The following NTRK1 variants were observed in gnomAD, a reference collection of about 807,000 sequenced individuals.
The protein encoded by NTRK1 is high affinity nerve growth factor receptor.
NTRK1 carries 62 observed loss-of-function variants against 86.8 expected under a neutral mutation model. That is an observed-to-expected ratio of 0.71 (90% CI 0.58 to 0.88). The LOEUF is 0.88. NTRK1 is among the 40% of genes least tolerant of loss of function. NTRK1 has a pLI of 0.00. For synonymous variants in NTRK1, 469 were observed against 456.6 expected, an observed-to-expected ratio of 1.03 and a Z score of -0.35; for missense variants, 967 against 1,078.4, an observed-to-expected ratio of 0.90 and a Z score of 1.45.
At chr1:156,834,038 T>C (rs537320437) in intron 1 of NTRK1, among the ~76,000 whole-genome samples, 1 of 152,210 alleles carries the variant, frequency 6.6e-6, no homozygotes, top group Non-Finnish European at 1.5e-5. Context: ...TTCACACCAG[T>C]AAAGTCAATC....
At chr1:156,846,802 T>C in intron 2 of NTRK1, 1 of 1,503,722 alleles carries the variant, frequency 6.7e-7, no homozygotes, top group Non-Finnish European at 9.2e-7. Flanking sequence ...AACCCCACCC[T>C]CAAGTTCTGG....
intron 5 of NTRK1, 83 bp downstream of exon 5, chr1:156,868,332 T>C (rs1018000025): frequency 2.5e-6 from 4 of 1,569,202 alleles, no homozygotes; most frequent in Non-Finnish European, 3.4e-6. Flanking sequence ...GAGCAAGCAC[T>C]GAAAAGGCCT....
intron 11 of NTRK1, 57 bp from the exon 12 acceptor site, chr1:156,875,463 G>C (rs2102914790): frequency 6.2e-7 from 1 of 1,610,412 alleles, no homozygotes; most frequent in South Asian, 1.1e-5. Context: ...TGCAGGCAAG[G>C]GTGGGCAGGG....
At chr1:156,818,189 C>T (rs1315505649) in intron 1 of NTRK1, among the ~76,000 whole-genome samples, 1 of 152,034 alleles carries the variant, frequency 6.6e-6, no homozygotes, top group Non-Finnish European at 1.5e-5. Flanking sequence ...AGGTTCATGA[C>T]TATGTGCTAT....
intron 6 of NTRK1, among the ~76,000 whole-genome samples, chr1:156,870,362 A>G (rs1647481159): frequency 6.6e-6 from 1 of 152,164 alleles, no homozygotes; most frequent in Admixed American, 6.5e-5. Flanking sequence ...AGCCTGGGCA[A>G]CAAAGCAAGA....
Position 156,880,544 on chromosome 1 carries a change from G to A in NTRK1, c.2205+387G>A, listed in dbSNP as rs1474375008. ...ACTGCAGCAGGACGGCTGGAGGTTA[G>A]ACTGTCAGAAGGACAGTCCTACCCC... On this transcript the variant is annotated intron_variant, in intron 16 of 16. Transcript: ENST00000524377. The A allele has an allele frequency of 2.8e-5, 7 of 249,054 alleles. 1 individual carries two copies. The Admixed American group carries it at 3.5e-4, about 12-fold the overall frequency. 15.4% of individuals were successfully genotyped at this position (249,054 alleles called of 1,614,324 possible).
rs1168781964 is a variant in NTRK1, at chr1:156,867,550, T to C, written c.429-554T>C. ...GGTTTTGCCATGTTGCCCAGGCTGA[T>C]CTTGAACTCCTGGGCTCAAGCCATC... On this transcript the variant is annotated intron_variant, in intron 4 of 16. Transcript: ENST00000524377. Among the ~76,000 whole-genome samples the C allele has an allele frequency of 2.6e-5, 4 of 152,320 alleles. No homozygotes were observed. The East Asian group carries it at 7.7e-4, about 29-fold the overall frequency.
At chr1:156,877,565 C>CG (rs1365088844) in intron 14 of NTRK1, among the ~76,000 whole-genome samples, 1 of 152,176 alleles carries the variant, frequency 6.6e-6, no homozygotes, top group East Asian at 1.9e-4. Flanking sequence ...AGATCACCCC[C>CG]GGGAGGATGG....
At chr1:156,833,366 G>C (rs1302572491) in intron 1 of NTRK1, among the ~76,000 whole-genome samples, 1 of 152,320 alleles carries the variant, frequency 6.6e-6, no homozygotes, top group South Asian at 2.1e-4. Context: ...AGACCAGTCT[G>C]TCCAACATGG....
intron 1 of NTRK1, among the ~76,000 whole-genome samples, chr1:156,836,127 A>G (rs764580722): frequency 3.2e-4 from 49 of 152,198 alleles, no homozygotes; most frequent in Admixed American, 3.3e-4. Flanking sequence ...AGTTCTGCTT[A>G]AGACACAGGA....
At position 156,873,756 on chromosome 1, in the gene NTRK1, C is replaced by G. The variant is rs755882352; in HGVS notation, c.974C>G (p.Thr325Ser). ...TTCAATGGCTCCGTGCTCAATGAGA[C>G]CAGCTTCATCTTCACTGAGTTCCTG... ...WLFNGSVLNE[T>S]SFIFTEFLEP... Residue 325 changes from threonine (T) to serine (S), a missense_variant, in exon 8 of 17, where the codon ACC (threonine) becomes AGC (serine). By Grantham distance (58) the Thr-to-Ser change is moderately conservative (BLOSUM62 1). Around this residue, in one of 2 missense-constraint regions of NTRK1, gnomAD observed 637 missense variants for 776.5 expected, o/e 0.82. Coordinates refer to ENST00000524377, the MANE Select transcript of NTRK1 (RefSeq NM_002529.4). 1 of 1,613,318 alleles carries G rather than the reference C, an allele frequency of 6.2e-7. No individual in the cohort carries two copies. The highest frequency in any genetic ancestry group is 8.5e-7 in the Non-Finnish European group (1 of 1,179,812).
chr1:156,855,267 A>T (rs1342382273), intron 2 of NTRK1, among the ~76,000 whole-genome samples: 1 of 151,912 alleles, frequency 6.6e-6, no homozygotes, highest in Non-Finnish European at 1.5e-5. Context: ...GCAGTGGCAC[A>T]ATCTCAGCTC....
At chr1:156,816,286 G>T in intron 1 of NTRK1, 1 of 464,402 alleles carries the variant, frequency 2.2e-6, no homozygotes. Context: ...GGGGGCTAAT[G>T]CTGCCAGAGG....
intron 1 of NTRK1, among the ~76,000 whole-genome samples, chr1:156,829,113 CA>C (rs1654399024): frequency 6.6e-6 from 1 of 151,930 alleles, no homozygotes; most frequent in Non-Finnish European, 1.5e-5. Flanking sequence ...AATTTATGAA[CA>C]AATAGGAAAA....
rs1367864129 is a variant in NTRK1 at position 156,874,964 on chromosome 1, T to G, written c.1310T>G (p.Leu437Arg). 2 of 1,613,836 alleles carry G rather than the reference T, an allele frequency of 1.2e-6. No homozygotes were observed. Among genetic ancestry groups the G allele is most frequent in the African/African-American group, 2.7e-5 (2 of 74,874 alleles). ...TGCCTCTTCCTTTCTACGCTGCTCC[T>G]TGTGCTCAACAAATGTGGACGGAGA... ...FACLFLSTLL[L>R]VLNKCGRRNK... Residue 437 changes from leucine (L) to arginine (R), a missense_variant, in exon 11 of 17, where the codon CTT (leucine) becomes CGT (arginine). Coordinates refer to ENST00000524377, the MANE Select transcript of NTRK1 (RefSeq NM_002529.4).
intron 1 of NTRK1, among the ~76,000 whole-genome samples, chr1:156,832,994 C>T (rs936434095): frequency 6.6e-6 from 1 of 152,218 alleles, no homozygotes; most frequent in African/African-American, 2.4e-5. Context: ...TTGCTAAACA[C>T]ATTTTGGTGC....
intron 6 of NTRK1, among the ~76,000 whole-genome samples, chr1:156,871,155 G>A (rs1275824598): frequency 2.0e-5 from 3 of 152,222 alleles, no homozygotes; most frequent in Non-Finnish European, 4.4e-5. Context: ...CTTGGGATGC[G>A]TGACATCTGT....
intron 1 of NTRK1, among the ~76,000 whole-genome samples, chr1:156,839,783 G>A (rs932604702): frequency 3.3e-5 from 5 of 152,154 alleles, no homozygotes; most frequent in African/African-American, 9.7e-5. Flanking sequence ...TGAGGTGTCC[G>A]GGACTGGTTG....
intron 2 of NTRK1, chr1:156,842,865 C>A (rs1238342069): frequency 2.8e-6 from 2 of 704,860 alleles, no homozygotes; most frequent in Non-Finnish European, 4.8e-6. Flanking sequence ...TAACCATGAC[C>A]TTTACCCCAA....
Sources: allele counts gnomAD v4.1 joint callset (sites outside exome capture counted in the v4.1 genomes callset), GRCh38; gene constraint gnomAD v4.1.1; regional missense constraint gnomAD v4.1.1; transcripts MANE v1.5; gene names NCBI Gene and HGNC (gene_info 2026-07-23, HGNC 2026-07-21).